ZC3H13: variants seen among roughly 807,000 people sequenced by gnomAD.
ZC3H13 encodes the protein zinc finger CCCH-type containing 13.
A neutral mutation model predicts 204.1 loss-of-function variants in ZC3H13; 64 were observed. That is an observed-to-expected ratio of 0.31 (90% CI 0.26 to 0.39). ZC3H13 has a LOEUF of 0.39. Among genes scored for constraint, ZC3H13 ranks in the 10% least tolerant of loss-of-function variants. The pLI is 1.00. For synonymous variants in ZC3H13, 667 were observed against 693.7 expected (o/e 0.96, Z 0.60); for missense variants, 1,833 against 2,082.7 (o/e 0.88, Z 2.33).
intron 8 of ZC3H13, among the ~76,000 whole-genome samples, chr13:45,993,451 A>T (rs2040106952): frequency 6.6e-6 from 1 of 152,190 alleles, no homozygotes. Context: ...CAAAGGAGGT[A>T]GGAGGGATCT....
At chr13:45,980,636 A>G (rs766228225) in intron 10 of ZC3H13, among the ~76,000 whole-genome samples, 4 of 152,238 alleles carry the variant, frequency 2.6e-5, no homozygotes, top group Non-Finnish European at 5.9e-5. Context: ...ATGAACCCCA[A>G]GAAAAAATTA....
intron 8 of ZC3H13, among the ~76,000 whole-genome samples, chr13:46,000,181 C>T (rs577637436): frequency 6.6e-6 from 1 of 152,152 alleles, no homozygotes; most frequent in Non-Finnish European, 1.5e-5. Flanking sequence ...CCCAGCTGCA[C>T]TGGCCCCTAA....
intron 18 of ZC3H13, among the ~76,000 whole-genome samples, chr13:45,958,769 C>T (rs1368860483): frequency 2.6e-5 from 4 of 151,296 alleles, no homozygotes; most frequent in Non-Finnish European, 4.4e-5. Flanking sequence ...ATTCTCCTGC[C>T]TCAGCCTCCC....
intron 8 of ZC3H13, among the ~76,000 whole-genome samples, chr13:45,996,785 G>A (rs2040368483): frequency 6.7e-6 from 1 of 148,724 alleles, no homozygotes. Context: ...CTTCCTTTGA[G>A]TGAAAACATG....
At chr13:45,986,410 T>C (rs1053507312) in intron 9 of ZC3H13, among the ~76,000 whole-genome samples, 1 of 152,160 alleles carries the variant, frequency 6.6e-6, no homozygotes, top group Non-Finnish European at 1.5e-5. Flanking sequence ...CTGGGCAACA[T>C]AGGAAGATGA....
chr13:46,029,490 G>A (rs992479349), intron 4 of ZC3H13, among the ~76,000 whole-genome samples: 8 of 146,910 alleles, frequency 5.4e-5, no homozygotes, highest in South Asian at 2.2e-4. Context: ...GTGCAGTGGC[G>A]CGATCTCGGC....
intron 17 of ZC3H13, chr13:45,962,111 A>G: frequency 1.1e-6 from 1 of 928,522 alleles, no homozygotes; most frequent in Non-Finnish European, 1.3e-6. Context: ...CTGAAAACCT[A>G]CTATGTATGT....
In ZC3H13 at chr13:45,982,206, C is replaced by T. The variant is rs1326566982; in HGVS notation, c.1721-2202G>A. Among the ~76,000 whole-genome samples the T allele has an allele frequency of 8.6e-5, 13 of 151,786 alleles. No individual in the cohort carries two copies. The East Asian group carries it at 9.7e-4, about 11-fold the overall frequency. On this transcript the variant is annotated intron_variant, in intron 10 of 18. Coordinates refer to ENST00000679008, the MANE Select transcript of ZC3H13 (RefSeq NM_001330564.2). ...CTAAAAGAATTACAGCATGATTCTA[C>T]GGGTATTTTAATAATCAAAATAGCT... is the stretch of plus-strand genomic sequence containing the variant.
chr13:45,978,709 T>C (rs1953281243), intron 11 of ZC3H13, among the ~76,000 whole-genome samples: 1 of 151,616 alleles, frequency 6.6e-6, no homozygotes, highest in South Asian at 2.1e-4. Context: ...GAGAAAAATC[T>C]GAGCAAGGAT....
intron 7 of ZC3H13, among the ~76,000 whole-genome samples, chr13:46,003,560 G>C (rs1317562300): frequency 2.0e-5 from 3 of 151,986 alleles, no homozygotes; most frequent in Non-Finnish European, 4.4e-5. Context: ...TAACTTTAAA[G>C]GGGCAGGTTT....
Position 45,975,540 on chromosome 13 carries a change from C to T in ZC3H13, c.2211G>A (p.Arg737=), listed in dbSNP as rs1369629022. 7 of 1,597,912 alleles carry T rather than the reference C, an allele frequency of 4.4e-6. No homozygotes were observed. In the East Asian group the frequency reaches 1.6e-4, roughly 37 times the overall value. Residue 737 remains arginine (R), a synonymous_variant, in exon 12 of 19, where the codon CGG becomes CGA. Transcript: ENST00000679008. ...CCCTGTCTCGTTCCCTCTCTCTTTC[C>T]CGCTCTCGATCGTGGTCTCGGTCTC... ...RDRDRDHDRE[R]ERERERDREK... is the part of the protein sequence containing the mutation.
intron 10 of ZC3H13, among the ~76,000 whole-genome samples, chr13:45,984,968 T>G (rs573833823): frequency 6.6e-6 from 1 of 152,280 alleles, no homozygotes; most frequent in Non-Finnish European, 1.5e-5. Flanking sequence ...TAATGAACAT[T>G]TTATCATATT....
intron 8 of ZC3H13, among the ~76,000 whole-genome samples, chr13:45,996,945 T>TG (rs553754988): frequency 1.3e-5 from 2 of 152,318 alleles, no homozygotes; most frequent in South Asian, 4.1e-4. Flanking sequence ...TGGCATCTAC[T>TG]GGGGGTCTTG....
intron 17 of ZC3H13, among the ~76,000 whole-genome samples, chr13:45,961,533 G>C (rs1248258491): frequency 7.3e-6 from 1 of 136,774 alleles, no homozygotes; most frequent in African/African-American, 2.7e-5. Flanking sequence ...GTAGAGGCTG[G>C]GAAGGGTAGT....
At position 45,968,954 on chromosome 13, in the gene ZC3H13, C is replaced by T; in HGVS notation, c.3590G>A (p.Ser1197Asn). ...KRSSSLGSNRSNRSHTSGRLR... is the reference protein window; with the variant it reads ...KRSSSLGSNRNNRSHTSGRLR... ...ACGACCAGACGTATGACTACGGTTACTCCGATTGCTCCCGAGGCTGCTGCT... is the reference window on the plus strand; with the variant it reads ...ACGACCAGACGTATGACTACGGTTATTCCGATTGCTCCCGAGGCTGCTGCT... The change falls in exon 14 of 19, where the codon AGT becomes AAT. Residue 1197 changes from serine to asparagine, a missense_variant. Coordinates refer to ENST00000679008, the MANE Select transcript of ZC3H13 (RefSeq NM_001330564.2). The T allele has an allele frequency of 6.2e-7, 1 of 1,614,224 alleles. No homozygotes were observed. Among genetic ancestry groups the T allele is most frequent in the Non-Finnish European group, 8.5e-7 (1 of 1,180,044 alleles).
chr13:46,052,430 G>A lies in ZC3H13; in HGVS notation c.-36C>T. On this transcript the variant is annotated 5_prime_UTR_variant, in exon 1 of 19. Coordinates refer to ENST00000679008, the MANE Select transcript of ZC3H13 (RefSeq NM_001330564.2). ...TCCTCCCCAAGCTCCCTTCGCAAGT[G>A]CAGTCCGGAGGCACCACCGCCGCCG... The A allele has an allele frequency of 2.5e-6, 1 of 397,828 alleles. No individual in the cohort carries two copies. The highest frequency in any genetic ancestry group is 3.6e-5 in the East Asian group (1 of 28,006). The allele number at this position is 397,828 out of a possible 1,614,324, so 24.6% of individuals were successfully genotyped here.
In ZC3H13 at chr13:45,954,652, T is replaced by C. The variant is rs1951192888; in HGVS notation, c.*2475A>G. ...AACCTTTTAAAATAGCAAGTTGAGG[T>C]GTAAAAGCATCACCAACAATAGTAT... On this transcript the variant is annotated 3_prime_UTR_variant, in exon 19 of 19. Coordinates refer to ENST00000679008, the MANE Select transcript of ZC3H13 (RefSeq NM_001330564.2). 1 of 152,144 alleles carries C rather than the reference T, an allele frequency of 6.6e-6. No individual in the cohort carries two copies. Among genetic ancestry groups the C allele is most frequent in the Non-Finnish European group, 1.5e-5 (1 of 68,012 alleles). The allele number at this position is 152,144 out of a possible 1,614,324, so 9.4% of individuals were successfully genotyped here.
chr13:45,970,700 T>C (rs1468003271), intron 12 of ZC3H13, among the ~76,000 whole-genome samples: 3 of 152,204 alleles, frequency 2.0e-5, no homozygotes, highest in African/African-American at 7.2e-5. Flanking sequence ...TCATTATACA[T>C]GTAGAATAAC....
chr13:46,028,926 G>A (rs1431943018), intron 4 of ZC3H13, among the ~76,000 whole-genome samples: 1 of 151,882 alleles, frequency 6.6e-6, no homozygotes, highest in East Asian at 1.9e-4. Flanking sequence ...AAAGTAAGCA[G>A]AAGAAAATAA....
Sources: gnomAD v4.1 joint callset for allele counts (sites outside exome capture counted in the v4.1 genomes callset) on GRCh38, gnomAD v4.1.1 for gene constraint, MANE v1.5 for transcripts, NCBI Gene and HGNC (gene_info 2026-07-23, HGNC 2026-07-21) for gene names.